Variants in MAP3K5 observed in about 807,000 individuals in gnomAD.
MAP3K5 encodes mitogen-activated protein kinase kinase kinase 5.
Under a neutral mutation model 158.7 loss-of-function variants are expected in MAP3K5, and 56 were observed. That is an observed-to-expected ratio of 0.35 (90% CI 0.28 to 0.44). MAP3K5 has a LOEUF of 0.44. Ranked by LOEUF, MAP3K5 falls within the 20% of genes least tolerant of loss-of-function variation. The pLI, the probability that MAP3K5 is intolerant of heterozygous loss-of-function variation, is 1.00. For missense variants in MAP3K5, 1,294 were observed against 1,674.8 expected, an observed-to-expected ratio of 0.77 and a Z score of 3.97; for synonymous variants, 579 against 601.7, an observed-to-expected ratio of 0.96 and a Z score of 0.55.
At chr6:136,756,181 G>A (rs1287832570) in intron 1 of MAP3K5, among the ~76,000 whole-genome samples, 1 of 151,806 alleles carries the variant, frequency 6.6e-6, no homozygotes, top group African/African-American at 2.4e-5. Context: ...AGCCAGGCAT[G>A]GTGGTGCATG....
chr6:136,640,572 G>A (rs932694846), intron 12 of MAP3K5, among the ~76,000 whole-genome samples: 1 of 152,128 alleles, frequency 6.6e-6, no homozygotes, highest in South Asian at 2.1e-4. Flanking sequence ...TTACACCTGT[G>A]TCCTCTGAGT....
intron 1 of MAP3K5, among the ~76,000 whole-genome samples, chr6:136,736,316 C>T (rs183575003): frequency 3.9e-5 from 6 of 152,266 alleles, no homozygotes; most frequent in African/African-American, 9.6e-5. Flanking sequence ...AGCTCACTTT[C>T]GACACCTAAT....
intron 15 of MAP3K5, among the ~76,000 whole-genome samples, chr6:136,621,942 C>G (rs1776823348): frequency 6.6e-6 from 1 of 151,984 alleles, no homozygotes; most frequent in South Asian, 2.1e-4. Context: ...AAAAATTAGC[C>G]AGGCGTGGTG....
intron 10 of MAP3K5, among the ~76,000 whole-genome samples, chr6:136,655,100 T>A (rs1362741582): frequency 6.6e-6 from 1 of 152,366 alleles, no homozygotes; most frequent in East Asian, 1.9e-4. Context: ...TTCACTTATA[T>A]TTATAGTATG....
In MAP3K5 at chr6:136,769,743, G is replaced by GGAAA. The variant is rs1301151329; in HGVS notation, c.448+21966_448+21967insTTTC. On this transcript the variant is annotated intron_variant, in intron 1 of 29. Coordinates refer to ENST00000359015, the MANE Select transcript of MAP3K5 (RefSeq NM_005923.4). The stretch of plus-strand genomic sequence containing the variant: ...GCACTGAAGGAAGGGAGGAAGGGAA[G>GGAAA]GAAGGAAGGAAGGAAGGAAGGAAGG... Among the ~76,000 whole-genome samples the GGAAA allele has an allele frequency of 1.2e-3, 15 of 12,268 alleles. 1 individual carries two copies. Among genetic ancestry groups the GGAAA allele is most frequent in the Admixed American group, 9.0e-3 (9 of 1,004 alleles). 8.0% of individuals were successfully genotyped at this position (12,268 alleles called of 152,430 possible). A position where few individuals can be genotyped will look rare whatever the true frequency, so the allele number is the denominator to read the frequency against.
chr6:136,583,163 T>C (rs1210099160), intron 24 of MAP3K5, among the ~76,000 whole-genome samples: 1 of 152,246 alleles, frequency 6.6e-6, no homozygotes, highest in Non-Finnish European at 1.5e-5. Context: ...CATTTCAATC[T>C]GTACTATTAA....
intron 7 of MAP3K5, among the ~76,000 whole-genome samples, chr6:136,678,786 C>G (rs1376194642): frequency 1.3e-5 from 2 of 151,654 alleles, no homozygotes; most frequent in African/African-American, 4.8e-5. Context: ...AGTGCAATGG[C>G]GCTATCTTGG....
In MAP3K5 at chr6:136,641,862, C is replaced by T. The variant is rs570578587; in HGVS notation, c.1838+658G>A. On this transcript the variant is annotated intron_variant, in intron 12 of 29. Transcript: ENST00000359015. ...AATTAGCTGGGCATGGTGACATGCG[C>T]CCGTAATCCCAGCTACTTGGGAGGC... 2.8e-4 allele frequency among the ~76,000 whole-genome samples: 43 copies of T among 151,466 alleles called. 1 individual carries two copies. Among genetic ancestry groups the T allele is most frequent in the Admixed American group, 2.4e-3 (36 of 15,182 alleles).
intron 1 of MAP3K5, among the ~76,000 whole-genome samples, chr6:136,726,042 A>G (rs1403042251): frequency 6.6e-6 from 1 of 152,160 alleles, no homozygotes; most frequent in Non-Finnish European, 1.5e-5. Flanking sequence ...CAACACAACA[A>G]TTGTTTGGAC....
At chr6:136,573,319 G>A (rs1774454553) in intron 25 of MAP3K5, among the ~76,000 whole-genome samples, 1 of 152,178 alleles carries the variant, frequency 6.6e-6, no homozygotes, top group Admixed American at 6.5e-5. Context: ...TTCAATTTCA[G>A]TTGGCTCCCC....
At chr6:136,579,092 A>G (rs950512145) in intron 25 of MAP3K5, among the ~76,000 whole-genome samples, 7 of 152,102 alleles carry the variant, frequency 4.6e-5, no homozygotes, top group African/African-American at 1.4e-4. Context: ...GCTCTATAAT[A>G]TAGGTACAAA....
intron 1 of MAP3K5, among the ~76,000 whole-genome samples, chr6:136,742,894 T>A (rs769559212): frequency 6.6e-6 from 1 of 152,174 alleles, no homozygotes; most frequent in Non-Finnish European, 1.5e-5. Flanking sequence ...AGTAAGCATA[T>A]GAAAACATGT....
chr6:136,751,958 T>C (rs1783229078), intron 1 of MAP3K5, among the ~76,000 whole-genome samples: 1 of 152,224 alleles, frequency 6.6e-6, no homozygotes. Flanking sequence ...TAGTTAAATT[T>C]ATAGAAACAT....
At chr6:136,753,695 T>A (rs1388866797) in intron 1 of MAP3K5, among the ~76,000 whole-genome samples, 2 of 152,204 alleles carry the variant, frequency 1.3e-5, no homozygotes, top group Non-Finnish European at 2.9e-5. Context: ...CAGGCATTTG[T>A]ACTAGGTCTG....
At chr6:136,568,801 T>C (rs1774232647) in intron 25 of MAP3K5, among the ~76,000 whole-genome samples, 1 of 141,048 alleles carries the variant, frequency 7.1e-6, no homozygotes, top group Admixed American at 8.0e-5. Context: ...GAGGTTGTGG[T>C]GAGCCGAGAT....
chr6:136,596,404 C>T (rs1044851806), intron 21 of MAP3K5, among the ~76,000 whole-genome samples: 2 of 152,026 alleles, frequency 1.3e-5, no homozygotes, highest in African/African-American at 2.4e-5. Flanking sequence ...GCCCAGTGAT[C>T]GCGTGGAAGG....
intron 8 of MAP3K5, among the ~76,000 whole-genome samples, chr6:136,667,743 C>T (rs755714919): frequency 5.3e-5 from 8 of 150,632 alleles, no homozygotes; most frequent in East Asian, 2.0e-4. Flanking sequence ...CTCAGCTACC[C>T]GGGAGGCTGA....
At chr6:136,678,623 G>T (rs1027186635) in intron 7 of MAP3K5, among the ~76,000 whole-genome samples, 5 of 152,192 alleles carry the variant, frequency 3.3e-5, no homozygotes, top group Middle Eastern at 3.4e-3. Context: ...TACATATTAA[G>T]AGAAATTTAG....
chr6:136,684,380 G>A (rs904982849), intron 7 of MAP3K5, among the ~76,000 whole-genome samples: 3 of 152,124 alleles, frequency 2.0e-5, no homozygotes, highest in East Asian at 3.9e-4. Flanking sequence ...AGCAAATACT[G>A]CATATAACAA....
Sources: gnomAD v4.1 joint callset for allele counts (sites outside exome capture counted in the v4.1 genomes callset) on GRCh38, gnomAD v4.1.1 for gene constraint, MANE v1.5 for transcripts, NCBI Gene and HGNC (gene_info 2026-07-23, HGNC 2026-07-21) for gene names.